The following MCEE variants were observed in gnomAD, a reference collection of about 807,000 sequenced individuals.
MCEE encodes the protein methylmalonyl-CoA epimerase.
MCEE carries 6 observed loss-of-function variants against 12.9 expected under a neutral mutation model. The observed-to-expected ratio is 0.47, with a 90% CI of 0.26 to 0.92. MCEE has a LOEUF of 0.92. Among genes scored for constraint, MCEE ranks in the 40% least tolerant of loss-of-function variants. The probability of loss-of-function intolerance (pLI) is 0.16; values close to 1 mark genes in which losing one functional copy is unlikely to be tolerated. For missense variants in MCEE, 214 were observed against 212.1 expected (o/e 1.01, Z -0.05); for synonymous variants, 78 against 77.9 (o/e 1.00, Z -0.01).
intron 2 of MCEE, among the ~76,000 whole-genome samples, chr2:71,114,552 CT>C (rs576718116): frequency 1.3e-5 from 2 of 152,142 alleles, no homozygotes; most frequent in African/African-American, 2.4e-5. Flanking sequence ...AGATTAACCA[CT>C]GTTTATAATG....
intron 2 of MCEE, among the ~76,000 whole-genome samples, chr2:71,122,342 C>G (rs562838751): frequency 1.3e-5 from 2 of 152,214 alleles, no homozygotes; most frequent in African/African-American, 4.8e-5. Context: ...GCCATTTGGC[C>G]CAGGCTGGTC....
chr2:71,116,879 TC>T (rs1165758510), intron 2 of MCEE: 1 of 150,526 alleles, frequency 6.6e-6, no homozygotes, highest in East Asian at 1.9e-4. Flanking sequence ...ACCTCTTTGG[TC>T]CTCAGCTTCC....
chr2:71,118,271 C>T (rs1673034207), intron 2 of MCEE: 1 of 150,850 alleles, frequency 6.6e-6, no homozygotes, highest in Non-Finnish European at 1.5e-5. Context: ...TTTTCCCCTG[C>T]AACGATGCAC....
At chr2:71,111,412 CT>C (rs1553438982) in intron 2 of MCEE, among the ~76,000 whole-genome samples, 5 of 152,090 alleles carry the variant, frequency 3.3e-5, no homozygotes, top group Non-Finnish European at 7.4e-5. Context: ...TTTTCTTCTG[CT>C]GCGTTAGGTG....
At chr2:71,127,217 A>C (rs1212113607) in intron 1 of MCEE, among the ~76,000 whole-genome samples, 1 of 152,250 alleles carries the variant, frequency 6.6e-6, no homozygotes, top group African/African-American at 2.4e-5. Context: ...TGTGTATGTT[A>C]ACTCTCATTC....
chr2:71,117,244 T>C (rs1169354733), intron 2 of MCEE, among the ~76,000 whole-genome samples: 2 of 150,570 alleles, frequency 1.3e-5, no homozygotes, highest in Admixed American at 6.6e-5. Context: ...TCACTTTACA[T>C]AGGGTTCAGA....
At chr2:71,115,829 G>A (rs367572695) in intron 2 of MCEE, among the ~76,000 whole-genome samples, 4 of 149,114 alleles carry the variant, frequency 2.7e-5, no homozygotes, top group South Asian at 2.1e-4. Flanking sequence ...TGGGGGAAAG[G>A]GGGGGATAAC....
chr2:71,129,100 G>A (rs1673306118), intron 1 of MCEE, among the ~76,000 whole-genome samples: 1 of 151,870 alleles, frequency 6.6e-6, no homozygotes, highest in South Asian at 2.1e-4. Flanking sequence ...GGCAATCTTT[G>A]GAATACACTG....
chr2:71,112,024 A>G (rs1672894019), intron 2 of MCEE, among the ~76,000 whole-genome samples: 1 of 152,212 alleles, frequency 6.6e-6, no homozygotes, highest in African/African-American at 2.4e-5. Flanking sequence ...TTTTTCTGTC[A>G]GCAACTAAAA....
intron 1 of MCEE, 63 bp downstream of exon 1, chr2:71,130,117 C>A (rs963729988): frequency 6.5e-7 from 1 of 1,543,082 alleles, no homozygotes; most frequent in Admixed American, 1.8e-5. Context: ...GCCTCCTCCG[C>A]CCCCGACCGC....
In MCEE at chr2:71,124,207, T is replaced by G; in HGVS notation, c.377A>C (p.Glu126Ala). 6.2e-7 allele frequency: 1 copy of G among 1,608,368 alleles called. No individual in the cohort carries two copies. Among genetic ancestry groups the G allele is most frequent in the Admixed American group, 1.7e-5 (1 of 60,000 alleles). ...CAGGCATTAAAATAATTAAAATACC[T>G]CGATGCAGATGTGATGCATTCCTCC... ...KAGGMHHICIEVDNINAAVMD... is the reference protein window; with the variant it reads ...KAGGMHHICIAVDNINAAVMD... The change falls in exon 2 of 3, where the codon GAG becomes GCG. Residue 126 changes from glutamate to alanine, a missense_variant and splice_region_variant. Glu to Ala is a moderately radical substitution (Grantham distance 107, BLOSUM62 -1). Transcript: ENST00000244217.
At chr2:71,129,284 C>A (rs1186702183) in intron 1 of MCEE, among the ~76,000 whole-genome samples, 1 of 152,060 alleles carries the variant, frequency 6.6e-6, no homozygotes, top group African/African-American at 2.4e-5. Flanking sequence ...TGCCTTTTCC[C>A]AAATATTCAT....
chr2:71,110,431 T>A (rs1672864571), intron 2 of MCEE, among the ~76,000 whole-genome samples: 1 of 152,318 alleles, frequency 6.6e-6, no homozygotes, highest in Non-Finnish European at 1.5e-5. Context: ...ATTAGTGAGA[T>A]TGAAGACATT....
chr2:71,113,812 C>A (rs557399054), intron 2 of MCEE, among the ~76,000 whole-genome samples: 16 of 152,282 alleles, frequency 1.1e-4, no homozygotes, highest in Non-Finnish European at 2.4e-4. Context: ...AAAAGAACAG[C>A]TTTCCAGTGG....
chr2:71,126,568 CAAAAAAAAA>C (rs70959207), intron 1 of MCEE, among the ~76,000 whole-genome samples: 4 of 72,154 alleles, frequency 5.5e-5, no homozygotes. Flanking sequence ...TACATTTTAC[CAAAAAAAAA>C]AAAAAAAAAA....
intron 2 of MCEE, among the ~76,000 whole-genome samples, chr2:71,116,584 G>T (rs1462873435): frequency 7.4e-6 from 1 of 135,742 alleles, no homozygotes; most frequent in Admixed American, 7.5e-5. Flanking sequence ...GTCTCGCTCT[G>T]TTACCAGGCT....
chr2:71,122,625 T>G (rs1391693479), intron 2 of MCEE, among the ~76,000 whole-genome samples: 1 of 152,110 alleles, frequency 6.6e-6, no homozygotes, highest in Non-Finnish European at 1.5e-5. Context: ...TATAAAACTG[T>G]CAGATCTTGT....
chr2:71,127,287 A>C lies in MCEE; in HGVS notation c.41-2744T>G, dbSNP rs1010498659. On this transcript the variant is annotated intron_variant, in intron 1 of 2. Coordinates refer to ENST00000244217, the MANE Select transcript of MCEE (RefSeq NM_032601.4). Reference sequence around the variant, plus strand: ...CTTTTAGTGTCCTGACTTAAAAACAACATTGCATTTCTTTCAGTTCAGATT... The same window carrying C: ...CTTTTAGTGTCCTGACTTAAAAACACCATTGCATTTCTTTCAGTTCAGATT... Among the ~76,000 whole-genome samples, 8 of 152,240 alleles carry C rather than the reference A, an allele frequency of 5.3e-5. 1 individual carries two copies. The South Asian group carries it at 1.4e-3, about 28-fold the overall frequency.
At chr2:71,128,031 T>C (rs1460523355) in intron 1 of MCEE, among the ~76,000 whole-genome samples, 1 of 152,244 alleles carries the variant, frequency 6.6e-6, no homozygotes, top group Non-Finnish European at 1.5e-5. Flanking sequence ...AGTTTTCTCT[T>C]AAACATTTGA....
Sources: allele counts gnomAD v4.1 joint callset (sites outside exome capture counted in the v4.1 genomes callset), GRCh38; gene constraint gnomAD v4.1.1; transcripts MANE v1.5; gene names NCBI Gene and HGNC (gene_info 2026-07-23, HGNC 2026-07-21).